The following CDH18 variants were observed in gnomAD, a reference collection of about 807,000 sequenced individuals.
The protein encoded by CDH18 is cadherin 18.
In CDH18, 31 loss-of-function variants were observed where a neutral mutation model predicts 67.9. That is an observed-to-expected ratio of 0.46 (90% confidence interval 0.34 to 0.62). The LOEUF (loss-of-function observed/expected upper bound fraction) is 0.62. Ranked by LOEUF, CDH18 falls within the 20% of genes least tolerant of loss-of-function variation. CDH18 has a pLI of 0.01. For missense variants in CDH18, 890 were observed against 975.5 expected, an observed-to-expected ratio of 0.91 and a Z score of 1.17; for synonymous variants, 362 against 347.2, an observed-to-expected ratio of 1.04 and a Z score of -0.48.
chr5:19,571,945 A>G (rs777917092), intron 7 of CDH18, 113 bp from the exon 8 acceptor site: 3 of 799,592 alleles, frequency 3.8e-6, no homozygotes, highest in Non-Finnish European at 5.9e-6. Flanking sequence ...TAATTGAGAG[A>G]GAGATAAGTC....
chr5:19,924,420 T>C (rs1334526917), intron 2 of CDH18, among the ~76,000 whole-genome samples: 1 of 152,128 alleles, frequency 6.6e-6, no homozygotes, highest in African/African-American at 2.4e-5. Flanking sequence ...GCAGATCACC[T>C]GAGGTCAGGA....
intron 1 of CDH18, among the ~76,000 whole-genome samples, chr5:20,272,397 A>G (rs1292326028): frequency 1.3e-5 from 2 of 152,024 alleles, no homozygotes; most frequent in African/African-American, 4.8e-5. Context: ...TGTTTCAAAG[A>G]CTGATTGGGA....
At chr5:20,245,506 T>C (rs1464646448) in intron 2 of CDH18, among the ~76,000 whole-genome samples, 4 of 152,084 alleles carry the variant, frequency 2.6e-5, no homozygotes, top group Non-Finnish European at 5.9e-5. Flanking sequence ...TTGATCTAGA[T>C]TGAGTTGTTT....
chr5:19,844,068 C>T (rs1276016192), intron 2 of CDH18, among the ~76,000 whole-genome samples: 1 of 152,144 alleles, frequency 6.6e-6, no homozygotes, highest in African/African-American at 2.4e-5. Context: ...AGTGACTTGC[C>T]TTGTCTCAGA....
intron 6 of CDH18, among the ~76,000 whole-genome samples, chr5:19,601,313 CA>C (rs1284565931): frequency 6.6e-6 from 1 of 152,096 alleles, no homozygotes; most frequent in Non-Finnish European, 1.5e-5. Flanking sequence ...AAGGATTTTA[CA>C]AGGAAGTCCT....
chr5:20,005,498 A>G (rs913597974), intron 2 of CDH18, among the ~76,000 whole-genome samples: 5 of 151,830 alleles, frequency 3.3e-5, no homozygotes, highest in Non-Finnish European at 5.9e-5. Context: ...AGTTTGAGAA[A>G]TGACCATTAG....
At chr5:19,807,206 T>C (rs1173660240) in intron 3 of CDH18, among the ~76,000 whole-genome samples, 2 of 152,018 alleles carry the variant, frequency 1.3e-5, no homozygotes, top group African/African-American at 2.4e-5. Context: ...TTAGGGAAAA[T>C]AGCTAATGTA....
chr5:19,504,847 G>A (rs929906882), intron 10 of CDH18, among the ~76,000 whole-genome samples: 1 of 151,962 alleles, frequency 6.6e-6, no homozygotes, highest in African/African-American at 2.4e-5. Flanking sequence ...ATCGAATTTC[G>A]GAGTGATTGG....
chr5:19,472,496 T>C lies in CDH18; in HGVS notation c.*730A>G, dbSNP rs1737729277. Reference sequence around the variant, plus strand: ...ACTATTCTTTCTGTCCATTTAAAAATAGGAGTATCCCATTAAAATAAAAGG... The same window carrying C: ...ACTATTCTTTCTGTCCATTTAAAAACAGGAGTATCCCATTAAAATAAAAGG... On this transcript the variant is annotated 3_prime_UTR_variant, in exon 13 of 13. Transcript: ENST00000382275. 6.6e-6 allele frequency among the ~76,000 whole-genome samples: 1 copy of C among 152,080 alleles called. No individual in the cohort carries two copies. Among genetic ancestry groups the C allele is most frequent in the Non-Finnish European group, 1.5e-5 (1 of 68,006 alleles).
At chr5:20,409,389 G>A (rs1174591345) in intron 1 of CDH18, among the ~76,000 whole-genome samples, 2 of 151,610 alleles carry the variant, frequency 1.3e-5, no homozygotes, top group African/African-American at 4.8e-5. Flanking sequence ...AAAAATATGT[G>A]TAAATTAAAC....
At chr5:19,916,665 T>C (rs956912556) in intron 2 of CDH18, among the ~76,000 whole-genome samples, 1 of 152,228 alleles carries the variant, frequency 6.6e-6, no homozygotes, top group African/African-American at 2.4e-5. Context: ...TGAAATTTAG[T>C]AGATACACAA....
intron 2 of CDH18, among the ~76,000 whole-genome samples, chr5:20,116,086 G>T (rs1438642342): frequency 2.6e-5 from 4 of 152,164 alleles, no homozygotes; most frequent in Admixed American, 1.3e-4. Flanking sequence ...AAAATGATGT[G>T]TCTGCTTTAA....
chr5:20,057,358 T>A (rs2150502665), intron 2 of CDH18, among the ~76,000 whole-genome samples: 1 of 152,328 alleles, frequency 6.6e-6, no homozygotes, highest in African/African-American at 2.4e-5. Flanking sequence ...GAATTTTCCA[T>A]CGTGAATAAT....
chr5:19,624,006 T>TATTATTATA (rs1017992636), intron 5 of CDH18, among the ~76,000 whole-genome samples: 1 of 147,904 alleles, frequency 6.8e-6, no homozygotes, highest in African/African-American at 2.5e-5. Flanking sequence ...TTATTATTAT[T>TATTATTATA]ATTATTATTA....
At chr5:19,685,157 C>A (rs1760901154) in intron 5 of CDH18, among the ~76,000 whole-genome samples, 1 of 152,100 alleles carries the variant, frequency 6.6e-6, no homozygotes, top group Admixed American at 6.6e-5. Context: ...TACTACGATA[C>A]AAATACAAAT....
chr5:19,996,834 T>C (rs942980146), intron 2 of CDH18, among the ~76,000 whole-genome samples: 12 of 152,014 alleles, frequency 7.9e-5, no homozygotes, highest in African/African-American at 2.7e-4. Context: ...TTGTTTTTTC[T>C]TACACATTAC....
At chr5:19,698,679 T>C (rs1025463414) in intron 5 of CDH18, among the ~76,000 whole-genome samples, 5 of 152,130 alleles carry the variant, frequency 3.3e-5, no homozygotes, top group Admixed American at 6.6e-5. Flanking sequence ...GGTATCTGTA[T>C]GTGAATTAAA....
At chr5:20,333,548 CACAT>C (rs1360514214) in intron 1 of CDH18, among the ~76,000 whole-genome samples, 4 of 146,584 alleles carry the variant, frequency 2.7e-5, no homozygotes, top group Middle Eastern at 3.6e-3. Context: ...CACACACACA[CACAT>C]ATATGTATAT....
chr5:20,362,638 T>C (rs887952057), intron 1 of CDH18, among the ~76,000 whole-genome samples: 2 of 152,182 alleles, frequency 1.3e-5, no homozygotes, highest in African/African-American at 4.8e-5. Flanking sequence ...AATTCCTTTT[T>C]AGACATGTTA....
Sources: allele counts gnomAD v4.1 joint callset (sites outside exome capture counted in the v4.1 genomes callset), GRCh38; gene constraint gnomAD v4.1.1; transcripts MANE v1.5; gene names NCBI Gene and HGNC (gene_info 2026-07-23, HGNC 2026-07-21).